The following DOK2 variants were observed in gnomAD, a reference collection of about 807,000 sequenced individuals.
DOK2 encodes the protein docking protein 2, 56kD.
A neutral mutation model predicts 26.0 loss-of-function variants in DOK2; 28 were observed. That is an observed-to-expected ratio of 1.08 (90% CI 0.80 to 1.48). The LOEUF is 1.48. Ranked by LOEUF, DOK2 falls within the 40% of genes most tolerant of loss-of-function variation. The pLI is 0.00. For missense variants in DOK2, 682 were observed against 558.2 expected, an observed-to-expected ratio of 1.22 and a Z score of -2.23; for synonymous variants, 282 against 236.9, an observed-to-expected ratio of 1.19 and a Z score of -1.75.
In DOK2 at chr8:21,911,122, G is replaced by C. The variant is rs1473356015; in HGVS notation, c.434-265C>G. The C allele has an allele frequency of 6.3e-6, 3 of 472,758 alleles. No homozygotes were observed. The South Asian group carries it at 8.7e-5, about 14-fold the overall frequency. The allele number at this position is 472,758 out of a possible 1,614,324, so 29.3% of individuals were successfully genotyped here. A position where few individuals can be genotyped will look rare whatever the true frequency, so the allele number is the denominator to read the frequency against. On this transcript the variant is annotated intron_variant, in intron 3 of 4. Transcript: ENST00000276420. ...CCAACCTCGTGCCCACATCCTTCCT[G>C]CCCCTGTCGCCAGAGCCACAGTCTT...
In DOK2 at chr8:21,909,493, C is replaced by T. The variant is rs1363527759; in HGVS notation, c.1057G>A (p.Ala353Thr). Reference sequence around the variant, plus strand: ...TGCGGGCTGTCATAGAGGGACAGGGCAGCCACTCCCTCGGGCTCATCGTAT... The same window carrying T: ...TGCGGGCTGTCATAGAGGGACAGGGTAGCCACTCCCTCGGGCTCATCGTAT... Reference protein sequence around the residue: ...HIYDEPEGVAALSLYDSPQEP... With the variant: ...HIYDEPEGVATLSLYDSPQEP... Residue 353 changes from alanine (A) to threonine (T), a missense_variant, in exon 5 of 5, where the codon GCC becomes ACC. Physicochemically the swap from Ala to Thr is moderately conservative, Grantham distance 58. Coordinates refer to ENST00000276420, the MANE Select transcript of DOK2 (RefSeq NM_003974.4). 6.2e-7 allele frequency: 1 copy of T among 1,614,070 alleles called. No homozygotes were observed.
Position 21,909,170 on chromosome 8 carries a change from G to A in DOK2, c.*141C>T, listed in dbSNP as rs1809711380. ...TGGTGACTCACCCAGCAGGCCCTGG[G>A]AGAGGCAATTTATCAGCCCCAACGA... is the stretch of plus-strand genomic sequence containing the variant. On this transcript the variant is annotated 3_prime_UTR_variant, in exon 5 of 5. Transcript: ENST00000276420. 2.8e-6 allele frequency: 3 copies of A among 1,062,460 alleles called. No homozygotes were observed. The highest frequency in any genetic ancestry group is 1.6e-5 in the African/African-American group (1 of 62,992). The allele number at this position is 1,062,460 out of a possible 1,614,324, so 65.8% of individuals were successfully genotyped here. A position where few individuals can be genotyped will look rare whatever the true frequency, so the allele number is the denominator to read the frequency against.
intron 4 of DOK2, among the ~76,000 whole-genome samples, chr8:21,910,465 T>C (rs1463473541): frequency 1.3e-5 from 2 of 152,154 alleles, no homozygotes; most frequent in Non-Finnish European, 2.9e-5. Flanking sequence ...AGCTAGGCAC[T>C]AGTTCAGACG....
rs1809705652 is a variant in DOK2, at chr8:21,909,046, T to C, written c.*265A>G. On this transcript the variant is annotated 3_prime_UTR_variant, in exon 5 of 5. Coordinates refer to ENST00000276420, the MANE Select transcript of DOK2 (RefSeq NM_003974.4). ...ACATCCTTTTGTCCTCTGCCCTAAA[T>C]GCCCCAGGTTCCTCCTCAGCTGGGG... The C allele has an allele frequency of 5.4e-6, 2 of 371,802 alleles. No homozygotes were observed. Among genetic ancestry groups the C allele is most frequent in the Admixed American group, 8.5e-5 (2 of 23,608 alleles). The allele number at this position is 371,802 out of a possible 1,614,324, so 23.0% of individuals were successfully genotyped here.
Position 21,912,028 on chromosome 8 carries a change from C to G in DOK2, c.346-40G>C, listed in dbSNP as rs776782246. 3 of 1,534,356 alleles carry G rather than the reference C, an allele frequency of 2.0e-6. No homozygotes were observed. The African/African-American group carries it at 4.1e-5, about 21-fold the overall frequency. The stretch of plus-strand genomic sequence containing the variant: ...CCCCGTCTCATCACCTTCCCCGATC[C>G]CCAGGCCCCCCTCTGGCCCAGGCCT... On this transcript the variant is annotated intron_variant, in intron 2 of 4. Coordinates refer to ENST00000276420, the MANE Select transcript of DOK2 (RefSeq NM_003974.4).
At position 21,913,605 on chromosome 8, in the gene DOK2, C is replaced by T. The variant is rs776458967; in HGVS notation, c.-4G>A. 4 of 1,614,020 alleles carry T rather than the reference C, an allele frequency of 2.5e-6. No individual in the cohort carries two copies. The highest frequency in any genetic ancestry group is 1.1e-5 in the South Asian group (1 of 91,080). ...GTTTCACTGCCCCGTCTCCCATCCT[C>T]TGACCATCTCGGAGCCCCAGGCTTC... On this transcript the variant is annotated 5_prime_UTR_variant, in exon 1 of 5. Transcript: ENST00000276420.
Position 21,909,212 on chromosome 8 carries a change from G to C in DOK2, c.*99C>G, listed in dbSNP as rs1042819027. 5.7e-6 allele frequency: 8 copies of C among 1,407,344 alleles called. No individual in the cohort carries two copies. The highest frequency in any genetic ancestry group is 2.4e-5 in the Admixed American group (1 of 41,900). The allele number at this position is 1,407,344 out of a possible 1,614,324, so 87.2% of individuals were successfully genotyped here. ...CCCCAACGAAGACAGGCCAGGCCTC[G>C]GGCTCCAGAAGGGGCAGAGGAGGTT... On this transcript the variant is annotated 3_prime_UTR_variant, in exon 5 of 5. Coordinates refer to ENST00000276420, the MANE Select transcript of DOK2 (RefSeq NM_003974.4).
rs1809714558 is a variant in DOK2, at chr8:21,909,234, G to A, written c.*77C>T. 3 of 1,487,232 alleles carry A rather than the reference G, an allele frequency of 2.0e-6. No individual in the cohort carries two copies. The African/African-American group carries it at 4.2e-5, about 21-fold the overall frequency. 92.1% of individuals were successfully genotyped at this position (1,487,232 alleles called of 1,614,324 possible). On this transcript the variant is annotated 3_prime_UTR_variant, in exon 5 of 5. Coordinates refer to ENST00000276420, the MANE Select transcript of DOK2 (RefSeq NM_003974.4). ...CTCGGGCTCCAGAAGGGGCAGAGGA[G>A]GTTCTTCTGATGCAGTGGCCAGGAG...
Position 21,913,562 on chromosome 8 carries a change from G to A in DOK2, c.40C>T (p.Gln14Ter), listed in dbSNP as rs763080472. 8.7e-6 allele frequency: 14 copies of A among 1,613,914 alleles called. No individual in the cohort carries two copies. The highest frequency in any genetic ancestry group is 2.2e-5 in the East Asian group (1 of 44,878). The change falls in exon 1 of 5, where the codon CAG (glutamine) becomes TAG (stop). Residue 14 changes from glutamine (Q) to a stop codon, truncating the protein, a stop_gained. Transcript: ENST00000276420. LOFTEE classifies it high-confidence loss of function. ...ACCTTTCCAAACGTCTGCTGCTGCT[G>A]AAGATACAAGAAGCCTTGTTTCACT... The part of the protein sequence containing the change: ...GAVKQGFLYL[Q>*]QQQTFGKKWR...
intron 2 of DOK2, 92 bp downstream of exon 2, chr8:21,912,137 G>A (rs1809874137): frequency 6.8e-7 from 1 of 1,473,670 alleles, no homozygotes; most frequent in Non-Finnish European, 9.0e-7. Context: ...CCATCACCCT[G>A]ACCTTGACAC....
chr8:21,910,908 G>C (rs1585398051), intron 3 of DOK2, 51 bp from the exon 4 acceptor site: 4 of 1,537,520 alleles, frequency 2.6e-6, no homozygotes, highest in Non-Finnish European at 3.5e-6. Flanking sequence ...GAAACAGCTG[G>C]CCTGCCTCAC....
At position 21,909,297 on chromosome 8, in the gene DOK2, C is replaced by G. The variant is rs1464755655; in HGVS notation, c.*14G>C. On this transcript the variant is annotated 3_prime_UTR_variant, in exon 5 of 5. Transcript: ENST00000276420. ...GAAGCCAAGGGGCGGTGGACCATCCCTCTGCTGCCTCTGTCACTTTGGGCC... is the reference window on the plus strand; with the variant it reads ...GAAGCCAAGGGGCGGTGGACCATCCGTCTGCTGCCTCTGTCACTTTGGGCC... 1 of 1,522,536 alleles carries G rather than the reference C, an allele frequency of 6.6e-7. No individual in the cohort carries two copies. Among genetic ancestry groups the G allele is most frequent in the Non-Finnish European group, 8.8e-7 (1 of 1,135,622 alleles). The allele number at this position is 1,522,536 out of a possible 1,614,324, so 94.3% of individuals were successfully genotyped here.
Position 21,909,828 on chromosome 8 carries a change from G to A in DOK2, c.722C>T (p.Ala241Val), listed in dbSNP as rs1329921437. The A allele has an allele frequency of 2.5e-6, 4 of 1,613,940 alleles. No individual in the cohort carries two copies. Among genetic ancestry groups the A allele is most frequent in the Admixed American group, 1.7e-5 (1 of 60,034 alleles). The change falls in exon 5 of 5, where the codon GCC becomes GTC. Residue 241 changes from alanine to valine, a missense_variant. Transcript: ENST00000276420. ...TGCAGCATTCTTCTGGGCAGAGATG[G>A]CCTCTTCCAGGGCCAAGAAGATCTC... ...GNEIFLALEE[A>V]ISAQKNAAPA...
At chr8:21,911,317 A>T (rs984921411) in intron 3 of DOK2, among the ~76,000 whole-genome samples, 2 of 152,144 alleles carry the variant, frequency 1.3e-5, no homozygotes. Context: ...CTCAAAAGCA[A>T]CACCTGGGGC....
In DOK2 at chr8:21,908,984, G is replaced by A. The variant is rs899547953; in HGVS notation, c.*327C>T. 3 of 220,032 alleles carry A rather than the reference G, an allele frequency of 1.4e-5. No individual in the cohort carries two copies. The highest frequency in any genetic ancestry group is 6.8e-5 in the African/African-American group (3 of 43,920). 13.6% of individuals were successfully genotyped at this position (220,032 alleles called of 1,614,324 possible). A position where few individuals can be genotyped will look rare whatever the true frequency, so the allele number is the denominator to read the frequency against. The stretch of plus-strand genomic sequence containing the variant: ...TCCCTGAAGTGGCCATCAGCAGGCA[G>A]GAGGCTTGCATAGCCAAGCAGCCCA... On this transcript the variant is annotated 3_prime_UTR_variant, in exon 5 of 5. Transcript: ENST00000276420.
At position 21,912,303 on chromosome 8, in the gene DOK2, G is replaced by A. The variant is rs546091332; in HGVS notation, c.271C>T (p.Arg91Cys). 1.0e-5 allele frequency: 16 copies of A among 1,601,118 alleles called. No homozygotes were observed. In the African/African-American group the frequency reaches 1.2e-4, roughly 12 times the overall value. The change falls in exon 2 of 5, where the codon CGC becomes TGC. Residue 91 changes from arginine (R) to cysteine (C), a missense_variant. Transcript: ENST00000276420. ...GCAGGGGCCGCCAGGAGGTACAGGC[G>A]CTCCTTGGTCTCCAGGAAGAAGGCA... ...TSAFFLETKE[R>C]LYLLAAPAAE...
chr8:21,911,801 A>G, intron 3 of DOK2, 100 bp downstream of exon 3: 1 of 1,304,956 alleles, frequency 7.7e-7, no homozygotes, highest in Non-Finnish European at 1.0e-6. Context: ...ACCACAAGGC[A>G]GGAAGACTCG....
chr8:21,909,583 G>C lies in DOK2; in HGVS notation c.967C>G (p.Gln323Glu), dbSNP rs373240046. The change falls in exon 5 of 5, where the codon CAG becomes GAG. Residue 323 changes from glutamine (Q) to glutamate (E), a missense_variant. By Grantham distance (29) the Gln-to-Glu change is conservative. Transcript: ENST00000276420. ...NFRGILAVPP[Q>E]LLADPLYDSI... is the part of the protein sequence containing the mutation. ...TCGTACAGAGGGTCGGCCAGGAGCT[G>C]AGGAGGGACTGCCAAGATGCCCCTG... 1.7e-5 allele frequency: 27 copies of C among 1,613,960 alleles called. No individual in the cohort carries two copies. The African/African-American group carries it at 2.9e-4, about 18-fold the overall frequency.
chr8:21,911,918 T>A lies in DOK2; in HGVS notation c.416A>T (p.Tyr139Phe), dbSNP rs1176457804. 1 of 1,562,282 alleles carries A rather than the reference T, an allele frequency of 6.4e-7. No individual in the cohort carries two copies. The highest frequency in any genetic ancestry group is 8.7e-7 in the Non-Finnish European group (1 of 1,153,226). Residue 139 changes from tyrosine (Y) to phenylalanine (F), a missense_variant, in exon 3 of 5, where the codon TAC becomes TTC. Tyr to Phe is a conservative substitution (Grantham distance 22). Transcript: ENST00000276420. ...CCCCTCACCTGTGACTGCGCTGCTG[T>A]ACAATTCATTTTCCTCCATGCAGGG... ...SRPCMEENEL[Y>F]SSAVTVGPHK...
Sources: gnomAD v4.1 joint callset for allele counts (sites outside exome capture counted in the v4.1 genomes callset) on GRCh38, gnomAD v4.1.1 for gene constraint, MANE v1.5 for transcripts, NCBI Gene and HGNC (gene_info 2026-07-23, HGNC 2026-07-21) for gene names.